The following JARID2 variants were observed in gnomAD, a reference collection of about 807,000 sequenced individuals.
The protein encoded by JARID2 is jumonji and AT-rich interaction domain containing 2, also known as protein Jumonji.
JARID2 carries 21 observed loss-of-function variants against 125.6 expected under a neutral mutation model. That is an observed-to-expected ratio of 0.17 (90% confidence interval 0.12 to 0.24). The LOEUF (loss-of-function observed/expected upper bound fraction) is 0.24. Among genes scored for constraint, JARID2 ranks in the 10% least tolerant of loss-of-function variants. The pLI is 1.00. For missense variants in JARID2, 1,303 were observed against 1,639.6 expected (o/e 0.79, Z 3.55); for synonymous variants, 736 against 661.6 (o/e 1.11, Z -1.73).
chr6:15,447,334 C>G (rs555163965), intron 3 of JARID2, among the ~76,000 whole-genome samples: 2 of 152,046 alleles, frequency 1.3e-5, no homozygotes, highest in South Asian at 4.2e-4. Flanking sequence ...TGTGGAGTTC[C>G]TGGAATGAAG....
intron 5 of JARID2, among the ~76,000 whole-genome samples, chr6:15,481,717 A>G (rs1428374957): frequency 1.3e-5 from 2 of 152,216 alleles, no homozygotes; most frequent in Non-Finnish European, 2.9e-5. Context: ...CTAAAACAGC[A>G]TGATGGTTAC....
At chr6:15,434,637 T>A (rs1767124599) in intron 3 of JARID2, among the ~76,000 whole-genome samples, 1 of 152,208 alleles carries the variant, frequency 6.6e-6, no homozygotes, top group Non-Finnish European at 1.5e-5. Context: ...AATTCAAGTA[T>A]TTTGATAGAA....
At position 15,250,699 on chromosome 6, in the gene JARID2, AAAT is replaced by A. The variant is rs562547859; in HGVS notation, c.45+4117_45+4119del. ...TGTGTGTCCCTGTAGCCACTGGCCCAAATAGACAACTAGAATTATTTGGTACTC... is the reference window on the plus strand; with the variant it reads ...TGTGTGTCCCTGTAGCCACTGGCCCAAGACAACTAGAATTATTTGGTACTC... On this transcript the variant is annotated intron_variant, in intron 1 of 17. Coordinates refer to ENST00000341776, the MANE Select transcript of JARID2 (RefSeq NM_004973.4). Among the ~76,000 whole-genome samples the A allele has an allele frequency of 5.5e-3, 840 of 152,326 alleles. 2 individuals are homozygous for A. The highest frequency in any genetic ancestry group is 9.3e-3 in the Non-Finnish European group (635 of 68,022).
chr6:15,488,598 C>G (rs940372158), intron 6 of JARID2, among the ~76,000 whole-genome samples: 2 of 152,006 alleles, frequency 1.3e-5, no homozygotes, highest in Non-Finnish European at 2.9e-5. Context: ...TGAAAATACT[C>G]GATTTCGTCT....
At chr6:15,300,585 T>C (rs1367634816) in intron 1 of JARID2, among the ~76,000 whole-genome samples, 1 of 152,114 alleles carries the variant, frequency 6.6e-6, no homozygotes, top group Non-Finnish European at 1.5e-5. Flanking sequence ...AATTATAGAT[T>C]GCTCATTTTG....
At chr6:15,283,588 C>T (rs1190834963) in intron 1 of JARID2, among the ~76,000 whole-genome samples, 2 of 151,852 alleles carry the variant, frequency 1.3e-5, no homozygotes, top group Admixed American at 6.6e-5. Flanking sequence ...GTGCTCCGCC[C>T]GCCTGGGCCT....
chr6:15,485,070 T>G (rs756111060), intron 5 of JARID2, among the ~76,000 whole-genome samples: 100 of 152,312 alleles, frequency 6.6e-4, no homozygotes, highest in Non-Finnish European at 1.1e-3. Context: ...TGACAATGGG[T>G]AGTTACTTAG....
At chr6:15,515,781 C>CTT (rs1357971830) in intron 16 of JARID2, among the ~76,000 whole-genome samples, 1 of 151,162 alleles carries the variant, frequency 6.6e-6, no homozygotes, top group East Asian at 1.9e-4. Flanking sequence ...AAAAACCAGG[C>CTT]ACGGTGGCTT....
At position 15,496,896 on chromosome 6, in the gene JARID2, C is replaced by G; in HGVS notation, c.1671C>G (p.Ile557Met). 6.2e-7 allele frequency: 1 copy of G among 1,601,540 alleles called. No homozygotes were observed. ...GKAGWAAMDE[I>M]PVLRPSAKEF... ...CCGGGTGGGCGGCCATGGACGAGAT[C>G]CCCGTCCTCAGGCCCTCCGCCAAGG... The change falls in exon 7 of 18, where the codon ATC becomes ATG. Residue 557 changes from isoleucine to methionine, a missense_variant. Ile to Met is a conservative substitution (Grantham distance 10). Transcript: ENST00000341776.
At chr6:15,314,402 A>G (rs758376928) in intron 1 of JARID2, among the ~76,000 whole-genome samples, 1 of 152,224 alleles carries the variant, frequency 6.6e-6, no homozygotes, top group African/African-American at 2.4e-5. Flanking sequence ...ATTTACCCCA[A>G]GCACCTGGAA....
At chr6:15,442,277 CTAAA>C (rs1042625708) in intron 3 of JARID2, among the ~76,000 whole-genome samples, 3 of 151,998 alleles carry the variant, frequency 2.0e-5, no homozygotes, top group Admixed American at 2.0e-4. Flanking sequence ...ATTTTAAAAA[CTAAA>C]TAGGGAATCC....
chr6:15,272,290 A>G (rs1467760163), intron 1 of JARID2, among the ~76,000 whole-genome samples: 2 of 152,198 alleles, frequency 1.3e-5, no homozygotes, highest in African/African-American at 4.8e-5. Flanking sequence ...AGCTAGCTAT[A>G]ATGCGTTGCC....
intron 5 of JARID2, among the ~76,000 whole-genome samples, chr6:15,479,640 G>A (rs757312529): frequency 6.6e-6 from 1 of 152,188 alleles, no homozygotes; most frequent in Non-Finnish European, 1.5e-5. Flanking sequence ...AGTTCCAGAA[G>A]CGTTTTACAA....
intron 1 of JARID2, among the ~76,000 whole-genome samples, chr6:15,252,247 C>A (rs1467798245): frequency 6.6e-6 from 1 of 151,706 alleles, no homozygotes; most frequent in Non-Finnish European, 1.5e-5. Context: ...GGCCTCATAT[C>A]AAAAAAACCG....
chr6:15,432,174 A>G (rs1392713523), intron 3 of JARID2, among the ~76,000 whole-genome samples: 5 of 152,056 alleles, frequency 3.3e-5, no homozygotes, highest in Admixed American at 2.0e-4. Flanking sequence ...CCCGTTTGCA[A>G]TCCCAGCACT....
At chr6:15,434,094 G>A (rs7767966) in intron 3 of JARID2, among the ~76,000 whole-genome samples, 1 of 151,786 alleles carries the variant, frequency 6.6e-6, no homozygotes, top group African/African-American at 2.4e-5. Context: ...GTAAAACACA[G>A]GTACCTCCGT....
intron 1 of JARID2, among the ~76,000 whole-genome samples, chr6:15,328,213 A>AC (rs1423903131): frequency 1.3e-5 from 2 of 151,930 alleles, no homozygotes; most frequent in East Asian, 1.9e-4. Context: ...AGCAAAGATC[A>AC]CCCCCCACAA....
intron 1 of JARID2, among the ~76,000 whole-genome samples, chr6:15,324,642 G>A (rs10949293): frequency 0.085 from 12,746 of 149,990 alleles, 765 homozygotes; most frequent in African/African-American, 0.16. Flanking sequence ...ACGCCTGGCT[G>A]ATTTTTGTGT....
At chr6:15,320,530 A>G (rs1260626668) in intron 1 of JARID2, among the ~76,000 whole-genome samples, 1 of 152,144 alleles carries the variant, frequency 6.6e-6, no homozygotes, top group Non-Finnish European at 1.5e-5. Context: ...ACCATACATA[A>G]ATGTGATTTG....
Sources: allele counts gnomAD v4.1 joint callset (sites outside exome capture counted in the v4.1 genomes callset), GRCh38; gene constraint gnomAD v4.1.1; transcripts MANE v1.5; gene names NCBI Gene and HGNC (gene_info 2026-07-23, HGNC 2026-07-21).